The following ZFPM2 variants were observed in gnomAD, a reference collection of about 807,000 sequenced individuals.
ZFPM2 encodes the protein zinc finger protein ZFPM2.
Under a neutral mutation model 98.6 loss-of-function variants are expected in ZFPM2, and 20 were observed. The ratio of observed to expected loss-of-function variants is 0.20; its 90% CI spans 0.14 to 0.29. The LOEUF (loss-of-function observed/expected upper bound fraction) is 0.29. Among genes scored for constraint, ZFPM2 ranks in the 10% least tolerant of loss-of-function variants. The pLI, the probability that ZFPM2 is intolerant of heterozygous loss-of-function variation, is 1.00. For missense variants in ZFPM2, 1,310 were observed against 1,388.6 expected (o/e 0.94, Z 0.90); for synonymous variants, 518 against 502.7 (o/e 1.03, Z -0.41).
intron 1 of ZFPM2, among the ~76,000 whole-genome samples, chr8:105,332,165 T>A (rs1812245659): frequency 6.6e-6 from 1 of 151,900 alleles, no homozygotes; most frequent in East Asian, 1.9e-4. Context: ...TCTCATTCAC[T>A]TCTTACTTCA....
At chr8:105,591,543 A>G (rs1815843461) in intron 4 of ZFPM2, among the ~76,000 whole-genome samples, 1 of 152,202 alleles carries the variant, frequency 6.6e-6, no homozygotes, top group Non-Finnish European at 1.5e-5. Flanking sequence ...CAGAAAAATC[A>G]AATCGATGCT....
At chr8:105,793,056 CTT>C (rs1231084922) in intron 6 of ZFPM2, among the ~76,000 whole-genome samples, 2 of 152,200 alleles carry the variant, frequency 1.3e-5, no homozygotes, top group East Asian at 3.9e-4. Context: ...CAGTCTGTGT[CTT>C]TTAATTGGAG....
At chr8:105,751,970 A>G (rs1190000208) in intron 5 of ZFPM2, among the ~76,000 whole-genome samples, 1 of 152,080 alleles carries the variant, frequency 6.6e-6, no homozygotes, top group East Asian at 1.9e-4. Context: ...TCTGAAATAC[A>G]TTCGTTATTG....
chr8:105,328,437 G>T (rs905059306), intron 1 of ZFPM2, among the ~76,000 whole-genome samples: 26 of 151,712 alleles, frequency 1.7e-4, no homozygotes, highest in Admixed American at 3.9e-4. Context: ...TACTCTTCTT[G>T]CTTTTGTGTA....
intron 5 of ZFPM2, chr8:105,678,849 A>G (rs552978510): frequency 3.9e-5 from 6 of 152,346 alleles, no homozygotes; most frequent in South Asian, 2.1e-4. Context: ...ATAATGCAGC[A>G]TAATAGAATA....
chr8:105,673,806 A>G (rs1817641178), intron 5 of ZFPM2, among the ~76,000 whole-genome samples: 1 of 152,214 alleles, frequency 6.6e-6, no homozygotes, highest in South Asian at 2.1e-4. Flanking sequence ...AATGAAATGT[A>G]TGACAACTGT....
At chr8:105,414,635 C>G (rs1454822832) in intron 1 of ZFPM2, among the ~76,000 whole-genome samples, 3 of 151,260 alleles carry the variant, frequency 2.0e-5, no homozygotes, top group African/African-American at 7.3e-5. Context: ...TTCTTTGTCA[C>G]CTTCTAGCTC....
At chr8:105,514,162 G>A (rs923710960) in intron 3 of ZFPM2, among the ~76,000 whole-genome samples, 16 of 151,736 alleles carry the variant, frequency 1.1e-4, no homozygotes, top group East Asian at 3.9e-4. Flanking sequence ...ACCATCACAC[G>A]CGTCTAAATT....
intron 3 of ZFPM2, among the ~76,000 whole-genome samples, chr8:105,531,422 G>A (rs772051288): frequency 2.6e-5 from 4 of 151,980 alleles, no homozygotes; most frequent in Non-Finnish European, 4.4e-5. Flanking sequence ...CAATTTTTGC[G>A]CTCATTATCA....
At chr8:105,586,002 GGTGTGTGTGTGTGTGT>G (rs142133685) in intron 4 of ZFPM2, among the ~76,000 whole-genome samples, 18 of 142,732 alleles carry the variant, frequency 1.3e-4, no homozygotes, top group Admixed American at 2.8e-4. Context: ...GGGGGGAAGG[GGTGTGTGTGTGTGTGT>G]GTGTGTGTGT....
chr8:105,589,912 AG>A (rs1563732834), intron 4 of ZFPM2, among the ~76,000 whole-genome samples: 1 of 152,044 alleles, frequency 6.6e-6, no homozygotes, highest in Non-Finnish European at 1.5e-5. Context: ...TAGTAGAGAC[AG>A]GGTTTTGCCA....
At chr8:105,416,067 A>T (rs1224637870) in intron 1 of ZFPM2, among the ~76,000 whole-genome samples, 2 of 151,958 alleles carry the variant, frequency 1.3e-5, no homozygotes, top group Non-Finnish European at 2.9e-5. Context: ...GCCAACATGT[A>T]AAATAAAACA....
chr8:105,720,573 T>C (rs986358795), intron 5 of ZFPM2, among the ~76,000 whole-genome samples: 5 of 151,868 alleles, frequency 3.3e-5, no homozygotes, highest in African/African-American at 9.7e-5. Context: ...GCTCAATCAT[T>C]TCATGAAAAA....
In ZFPM2 at chr8:105,466,721, A is replaced by G. The variant is rs562910440; in HGVS notation, c.301+22340A>G. Among the ~76,000 whole-genome samples, 10 of 152,182 alleles carry G rather than the reference A, an allele frequency of 6.6e-5. No homozygotes were observed. In the South Asian group the frequency reaches 1.0e-3, roughly 16 times the overall value. ...GTAATATGATTCTACCCCATGTAGC[A>G]GTACATACTTGAGAGTAAATACCAG... is the stretch of plus-strand genomic sequence containing the variant. On this transcript the variant is annotated intron_variant, in intron 3 of 7. Transcript: ENST00000407775.
chr8:105,419,192 A>G lies in ZFPM2; in HGVS notation c.89A>G (p.Glu30Gly), dbSNP rs121908601. ...IEDEEEECPSEETDIISKGDF... is the reference protein window; with the variant it reads ...IEDEEEECPSGETDIISKGDF... ...GATGAGGAAGAAGAATGTCCATCAG[A>G]GGAAACAGACATCATCTCCAAAGGA... The change falls in exon 2 of 8, where the codon GAG becomes GGG. Residue 30 changes from glutamate to glycine, a missense_variant. Glu to Gly is a moderately conservative substitution (Grantham distance 98). Transcript: ENST00000407775. 4.2e-3 allele frequency: 6,767 copies of G among 1,613,668 alleles called. 18 individuals carry two copies. Among genetic ancestry groups the G allele is most frequent in the Non-Finnish European group, 5.2e-3 (6,093 of 1,179,680 alleles).
At chr8:105,798,989 C>G (rs377226849) in intron 7 of ZFPM2, 41 bp downstream of exon 7, 7 of 1,537,142 alleles carry the variant, frequency 4.6e-6, no homozygotes, top group Non-Finnish European at 6.3e-6. Context: ...CCAGAAGACT[C>G]TGTTATTTTT....
At chr8:105,689,448 C>T (rs762710663) in intron 5 of ZFPM2, among the ~76,000 whole-genome samples, 1 of 152,156 alleles carries the variant, frequency 6.6e-6, no homozygotes, top group Non-Finnish European at 1.5e-5. Context: ...TTCACATAAG[C>T]ATTTCTGCTG....
At chr8:105,477,713 G>C (rs552763172) in intron 3 of ZFPM2, among the ~76,000 whole-genome samples, 7 of 152,130 alleles carry the variant, frequency 4.6e-5, no homozygotes, top group Admixed American at 2.6e-4. Flanking sequence ...TAACGATCTT[G>C]AGAAAGATAG....
chr8:105,472,490 GTGTTT>G (rs545562880), intron 3 of ZFPM2, among the ~76,000 whole-genome samples: 124 of 152,144 alleles, frequency 8.2e-4, no homozygotes, highest in African/African-American at 2.6e-3. Flanking sequence ...AACACTCCTT[GTGTTT>G]TGTTTTGTTT....
Sources: gnomAD v4.1 joint callset for allele counts (sites outside exome capture counted in the v4.1 genomes callset) on GRCh38, gnomAD v4.1.1 for gene constraint, MANE v1.5 for transcripts, NCBI Gene and HGNC (gene_info 2026-07-23, HGNC 2026-07-21) for gene names.